Variants in ST6GALNAC5 observed in about 807,000 individuals in gnomAD.
ST6GALNAC5 encodes ST6 N-acetylgalactosaminide alpha-2,6-sialyltransferase 5.
In ST6GALNAC5, 27 loss-of-function variants were observed where a neutral mutation model predicts 33.6. The observed-to-expected ratio is 0.80, with a 90% CI of 0.59 to 1.11. The LOEUF is 1.11. ST6GALNAC5 is among the 50% of genes least tolerant of loss of function. ST6GALNAC5 has a pLI of 0.00. For synonymous variants in ST6GALNAC5, 194 were observed against 171.2 expected, an observed-to-expected ratio of 1.13 and a Z score of -1.04; for missense variants, 428 against 454.0, an observed-to-expected ratio of 0.94 and a Z score of 0.52.
Position 76,868,607 on chromosome 1 carries a change from G to GCAA in ST6GALNAC5, c.128_129insACA (p.Gln49dup), listed in dbSNP as rs1553163288. ...AGCGGCCCCCGCAGCAGCAGCAGCA[G>GCAA]CAGCAGCAACAGCAGCAGCAGGCGT... On this transcript the variant is annotated inframe_insertion, in exon 2 of 5. Transcript: ENST00000477717. The surrounding 1 kb of genome is among the most constrained non-coding windows in gnomAD (Gnocchi z 4.3). 108 of 1,611,406 alleles carry GCAA rather than the reference G, an allele frequency of 6.7e-5. No individual in the cohort carries two copies. The African/African-American group carries it at 1.2e-3, about 19-fold the overall frequency.
At chr1:76,948,928 T>A (rs1647632765) in intron 2 of ST6GALNAC5, among the ~76,000 whole-genome samples, 1 of 152,142 alleles carries the variant, frequency 6.6e-6, no homozygotes. Flanking sequence ...TGGGGACTCA[T>A]CTAACCAATA....
chr1:77,060,061 A>T (rs1000249411), intron 4 of ST6GALNAC5: 7 of 152,124 alleles, frequency 4.6e-5, no homozygotes, highest in African/African-American at 1.7e-4. Flanking sequence ...CCCCAACCGC[A>T]CTAAATGTTA....
chr1:76,911,749 C>A (rs1018855553), intron 2 of ST6GALNAC5, among the ~76,000 whole-genome samples: 1 of 152,104 alleles, frequency 6.6e-6, no homozygotes, highest in Non-Finnish European at 1.5e-5. Flanking sequence ...TTGTAGTATT[C>A]TCTGATGGTA....
At position 77,033,137 on chromosome 1, in the gene ST6GALNAC5, A is replaced by G. The variant is rs185599744; in HGVS notation, c.262-11067A>G. On this transcript the variant is annotated intron_variant, in intron 2 of 4. Transcript: ENST00000477717. Reference sequence around the variant, plus strand: ...AAGGCACTGAGGTGAGCCAGTGCGTAACATCAACCAATGTACTAGCATTTC... The same window carrying G: ...AAGGCACTGAGGTGAGCCAGTGCGTGACATCAACCAATGTACTAGCATTTC... 2.6e-5 allele frequency among the ~76,000 whole-genome samples: 4 copies of G among 152,360 alleles called. No homozygotes were observed. The East Asian group carries it at 7.7e-4, about 29-fold the overall frequency.
rs996696885 is a variant in ST6GALNAC5, at chr1:77,066,266, A to G, written c.*3060A>G. Among the ~76,000 whole-genome samples the G allele has an allele frequency of 6.6e-6, 1 of 152,120 alleles. No homozygotes were observed. The highest frequency in any genetic ancestry group is 2.4e-5 in the African/African-American group (1 of 41,434). ...AGTAAGATCTTTTCTTTAAAAAAAAAAATAGATGAAAGCAAAACACAACGT... is the reference window on the plus strand; with the variant it reads ...AGTAAGATCTTTTCTTTAAAAAAAAGAATAGATGAAAGCAAAACACAACGT... On this transcript the variant is annotated 3_prime_UTR_variant, in exon 5 of 5. Transcript: ENST00000477717.
intron 2 of ST6GALNAC5, among the ~76,000 whole-genome samples, chr1:76,909,514 A>G (rs543219095): frequency 6.6e-6 from 1 of 152,116 alleles, no homozygotes; most frequent in Non-Finnish European, 1.5e-5. Context: ...CTTTGTGAAG[A>G]CATATGGTGT....
chr1:76,885,603 T>G (rs1405256182), intron 2 of ST6GALNAC5, among the ~76,000 whole-genome samples: 1 of 152,242 alleles, frequency 6.6e-6, no homozygotes, highest in Non-Finnish European at 1.5e-5. Flanking sequence ...ACTTATCTTG[T>G]TTAATAGTTT....
At chr1:77,036,700 C>T (rs1348484269) in intron 2 of ST6GALNAC5, among the ~76,000 whole-genome samples, 1 of 152,256 alleles carries the variant, frequency 6.6e-6, no homozygotes. Context: ...AAGTGCTTTA[C>T]ATGGCTTATC....
rs371687842 is a variant in ST6GALNAC5, at chr1:76,879,043, A to G, written c.261+10301A>G. 2.6e-5 allele frequency among the ~76,000 whole-genome samples: 4 copies of G among 152,204 alleles called. No individual in the cohort carries two copies. In the South Asian group the frequency reaches 6.2e-4, roughly 24 times the overall value. On this transcript the variant is annotated intron_variant, in intron 2 of 4. Transcript: ENST00000477717. ...CTTGGTTCCCACTGTTAGATCTGAC[A>G]TACAGAGAAGACCAATTATAGGACT...
chr1:77,034,740 C>T (rs1348804014), intron 2 of ST6GALNAC5, among the ~76,000 whole-genome samples: 1 of 152,224 alleles, frequency 6.6e-6, no homozygotes, highest in Non-Finnish European at 1.5e-5. Flanking sequence ...GTGAGGGCAG[C>T]ATGTCAAACA....
chr1:76,998,222 C>G (rs1650011206), intron 2 of ST6GALNAC5, among the ~76,000 whole-genome samples: 1 of 151,962 alleles, frequency 6.6e-6, no homozygotes, highest in Admixed American at 6.6e-5. Context: ...CTGCTGAAAA[C>G]ATACCCAAAA....
rs1469874717 is a variant in ST6GALNAC5 at position 77,065,131 on chromosome 1, T to G, written c.*1925T>G. On this transcript the variant is annotated 3_prime_UTR_variant, in exon 5 of 5. Coordinates refer to ENST00000477717, the MANE Select transcript of ST6GALNAC5 (RefSeq NM_030965.3). ...AGCATGGACTCTGAACACATCATAC[T>G]TTATCAACATATGAAAAAGTGTATT... is the stretch of plus-strand genomic sequence containing the variant. 2 of 152,238 alleles carry G rather than the reference T, an allele frequency of 1.3e-5. No homozygotes were observed. The highest frequency in any genetic ancestry group is 1.3e-4 in the Admixed American group (2 of 15,284). 9.4% of individuals were successfully genotyped at this position (152,238 alleles called of 1,614,324 possible). A position where few individuals can be genotyped will look rare whatever the true frequency, so the allele number is the denominator to read the frequency against.
chr1:76,994,337 T>C (rs1570748509), intron 2 of ST6GALNAC5, among the ~76,000 whole-genome samples: 1 of 152,204 alleles, frequency 6.6e-6, no homozygotes, highest in Admixed American at 6.5e-5. Context: ...AGAATTAATT[T>C]GGTCATTGGC....
intron 4 of ST6GALNAC5, among the ~76,000 whole-genome samples, chr1:77,058,241 T>A (rs909255544): frequency 1.3e-5 from 2 of 152,252 alleles, no homozygotes; most frequent in African/African-American, 4.8e-5. Context: ...AGTTTCCTCG[T>A]CTGCAGAGTA....
At chr1:76,944,152 G>T (rs1647429919) in intron 2 of ST6GALNAC5, among the ~76,000 whole-genome samples, 1 of 152,058 alleles carries the variant, frequency 6.6e-6, no homozygotes. Context: ...CCTCTAAGGT[G>T]CAATGCCAGA....
Position 76,961,310 on chromosome 1 carries a change from G to T in ST6GALNAC5, c.262-82894G>T, listed in dbSNP as rs539507914. 4.2e-4 allele frequency among the ~76,000 whole-genome samples: 64 copies of T among 152,212 alleles called. 1 individual carries two copies. Among genetic ancestry groups the T allele is most frequent in the African/African-American group, 1.4e-3 (57 of 41,544 alleles). ...GAATCCCTGTACTGCAAATTCTAAAGTTCTGGCCTAGAGTCCTGTGAGCTA... is the reference window on the plus strand; with the variant it reads ...GAATCCCTGTACTGCAAATTCTAAATTTCTGGCCTAGAGTCCTGTGAGCTA... On this transcript the variant is annotated intron_variant, in intron 2 of 4. Coordinates refer to ENST00000477717, the MANE Select transcript of ST6GALNAC5 (RefSeq NM_030965.3).
In ST6GALNAC5 at chr1:76,868,431, G is replaced by A; in HGVS notation, c.16-66G>A. 5.2e-6 allele frequency: 8 copies of A among 1,539,218 alleles called. No individual in the cohort carries two copies. Among genetic ancestry groups the A allele is most frequent in the Non-Finnish European group, 5.3e-6 (6 of 1,141,168 alleles). On this transcript the variant is annotated intron_variant, in intron 1 of 4. Coordinates refer to ENST00000477717, the MANE Select transcript of ST6GALNAC5 (RefSeq NM_030965.3). The surrounding 1 kb of genome is among the most constrained non-coding windows in gnomAD (Gnocchi z 4.3). ...GAGTGACCACCGCACAGTTGTCCCC[G>A]CTGGGCGCGCTCCTCCGGTGTCTGC...
chr1:76,926,788 C>A (rs554745583), intron 2 of ST6GALNAC5, among the ~76,000 whole-genome samples: 122 of 152,206 alleles, frequency 8.0e-4, no homozygotes, highest in African/African-American at 2.8e-3. Context: ...ACTAGCAATA[C>A]AGGAAAAGAT....
chr1:77,043,137 G>GA (rs1651888000), intron 2 of ST6GALNAC5, among the ~76,000 whole-genome samples: 2 of 152,346 alleles, frequency 1.3e-5, no homozygotes, highest in African/African-American at 4.8e-5. Flanking sequence ...TAACAGAGAA[G>GA]AAGCGCATAG....
Sources: gnomAD v4.1 joint callset for allele counts (sites outside exome capture counted in the v4.1 genomes callset) on GRCh38, gnomAD v4.1.1 for gene constraint, Gnocchi (gnomAD v3.1) non-coding constraint, MANE v1.5 for transcripts, NCBI Gene and HGNC (gene_info 2026-07-23, HGNC 2026-07-21) for gene names.